The following PKP2 variants were observed in gnomAD, a reference collection of about 807,000 sequenced individuals.
PKP2 encodes the protein plakophilin-2.
Under a neutral mutation model 83.4 loss-of-function variants are expected in PKP2, and 73 were observed. The observed-to-expected ratio is 0.88, with a 90% confidence interval of 0.72 to 1.06. The LOEUF (loss-of-function observed/expected upper bound fraction) is 1.06. Ranked by LOEUF, PKP2 falls within the 50% of genes least tolerant of loss-of-function variation. PKP2 has a pLI of 0.00. For synonymous variants in PKP2, 409 were observed against 430.4 expected (o/e 0.95, Z 0.62); for missense variants, 966 against 1,065.4 (o/e 0.91, Z 1.30).
rs759353036 is a variant in PKP2 at position 32,821,521 on chromosome 12, C to T, written c.1848G>A (p.Gln616=). The change falls in exon 9 of 13, where the codon CAG becomes CAA. Residue 616 remains glutamine, a synonymous_variant. Transcript: ENST00000340811. ...TCTTTTCCTCCGGCATCGGCACGTCCTGGTATTGCTGACCACACACAAAAG... is the reference window on the plus strand; with the variant it reads ...TCTTTTCCTCCGGCATCGGCACGTCTTGGTATTGCTGACCACACACAAAAG... ...SRSRKVKEQY[Q]DVPMPEEKSN... is the part of the protein sequence containing the mutation. 3.1e-6 allele frequency: 5 copies of T among 1,614,048 alleles called. No individual in the cohort carries two copies. The highest frequency in any genetic ancestry group is 1.7e-5 in the Admixed American group (1 of 60,008).
At chr12:32,862,620 G>A (rs1368593256) in intron 4 of PKP2, among the ~76,000 whole-genome samples, 2 of 151,836 alleles carry the variant, frequency 1.3e-5, no homozygotes, top group Non-Finnish European at 2.9e-5. Flanking sequence ...ACTCCAGCCT[G>A]GGCAACAAGA....
chr12:32,859,839 C>T (rs1956783294), intron 4 of PKP2, among the ~76,000 whole-genome samples: 2 of 151,614 alleles, frequency 1.3e-5, no homozygotes, highest in African/African-American at 4.9e-5. Context: ...CCTATTTTTG[C>T]TTATCAGATT....
At chr12:32,811,240 T>G (rs2137747715) in intron 9 of PKP2, among the ~76,000 whole-genome samples, 1 of 152,354 alleles carries the variant, frequency 6.6e-6, no homozygotes, top group South Asian at 2.1e-4. Context: ...TCACCCCACT[T>G]ATGTATGCCT....
intron 10 of PKP2, among the ~76,000 whole-genome samples, chr12:32,797,494 AG>A (rs1956137799): frequency 6.6e-6 from 1 of 151,106 alleles, no homozygotes; most frequent in Non-Finnish European, 1.5e-5. Context: ...AACCCACGTA[AG>A]AAACCTGAGG....
chr12:32,841,106 C>A lies in PKP2; in HGVS notation c.1478G>T (p.Gly493Val), dbSNP rs1956587234. ...TTTTGGGTAGTCTCCTTCAGGCCAC[C>A]CAGAAAAGGGGATGATGATATTCTC... ...LTENIIIPFS[G>V]WPEGDYPKAN... Residue 493 changes from glycine (G) to valine (V), a missense_variant, in exon 6 of 13, where the codon GGG (glycine) becomes GTG (valine). By Grantham distance (109) the Gly-to-Val change is moderately radical (BLOSUM62 -3). Coordinates refer to ENST00000340811, the MANE Select transcript of PKP2 (RefSeq NM_001005242.3). 1 of 1,613,656 alleles carries A rather than the reference C, an allele frequency of 6.2e-7. No homozygotes were observed. Among genetic ancestry groups the A allele is most frequent in the Non-Finnish European group, 8.5e-7 (1 of 1,179,630 alleles).
At chr12:32,832,286 G>A (rs1956507501) in intron 6 of PKP2, among the ~76,000 whole-genome samples, 1 of 152,002 alleles carries the variant, frequency 6.6e-6, no homozygotes, top group African/African-American at 2.4e-5. Context: ...GCTGAGGCAG[G>A]AGAATTACTT....
chr12:32,861,849 A>G (rs1031064264), intron 4 of PKP2, among the ~76,000 whole-genome samples: 2 of 152,184 alleles, frequency 1.3e-5, no homozygotes, highest in Non-Finnish European at 2.9e-5. Context: ...GAGATTTCTT[A>G]TCTAAAACAA....
intron 1 of PKP2, among the ~76,000 whole-genome samples, chr12:32,891,649 C>T (rs1336628192): frequency 6.6e-6 from 1 of 152,164 alleles, no homozygotes; most frequent in Non-Finnish European, 1.5e-5. Context: ...CAGATAACAA[C>T]AGTCTTTTAA....
At chr12:32,858,462 T>C (rs1437898522) in intron 4 of PKP2, among the ~76,000 whole-genome samples, 2 of 152,100 alleles carry the variant, frequency 1.3e-5, no homozygotes, top group Admixed American at 6.6e-5. Flanking sequence ...AAATCCTTAT[T>C]CATTCTTCCT....
chr12:32,873,593 G>A (rs1048185776), intron 3 of PKP2, among the ~76,000 whole-genome samples: 6 of 151,826 alleles, frequency 4.0e-5, no homozygotes, highest in African/African-American at 1.2e-4. Context: ...GCAATGGCAC[G>A]ATACCAGCTC....
intron 11 of PKP2, 70 bp downstream of exon 11, chr12:32,796,039 A>G (rs1956117872): frequency 1.6e-6 from 2 of 1,251,760 alleles, no homozygotes; most frequent in Non-Finnish European, 1.2e-6. Flanking sequence ...CACATTCACA[A>G]CCGGATTATT....
chr12:32,890,061 C>T (rs1410525573), intron 1 of PKP2, among the ~76,000 whole-genome samples: 7 of 111,536 alleles, frequency 6.3e-5, no homozygotes, highest in South Asian at 2.8e-4. Flanking sequence ...GGGCATAGAG[C>T]GAGACTCCAT....
intron 9 of PKP2, among the ~76,000 whole-genome samples, chr12:32,805,729 T>A (rs1956220299): frequency 6.6e-6 from 1 of 152,206 alleles, no homozygotes; most frequent in Non-Finnish European, 1.5e-5. Flanking sequence ...CAGTTTGAAG[T>A]CAGGTAGCAT....
Position 32,846,640 on chromosome 12 carries a change from G to A in PKP2, c.1378+4126C>T, listed in dbSNP as rs188744189. Among the ~76,000 whole-genome samples the A allele has an allele frequency of 1.8e-3, 269 of 151,906 alleles. 3 individuals carry two copies. Among genetic ancestry groups the A allele is most frequent in the African/African-American group, 6.1e-3 (253 of 41,360 alleles). On this transcript the variant is annotated intron_variant, in intron 5 of 12. Transcript: ENST00000340811. ...CATGCCTGTAATCCCAGCTACTTGGGAGGCTAAGGCAGGAGAATCGCTTGA... is the reference window on the plus strand; with the variant it reads ...CATGCCTGTAATCCCAGCTACTTGGAAGGCTAAGGCAGGAGAATCGCTTGA...
At chr12:32,862,061 CT>C (rs1436690518) in intron 4 of PKP2, among the ~76,000 whole-genome samples, 1 of 151,990 alleles carries the variant, frequency 6.6e-6, no homozygotes, top group Non-Finnish European at 1.5e-5. Flanking sequence ...CCACACCTGG[CT>C]AATTTTGTAT....
intron 4 of PKP2, among the ~76,000 whole-genome samples, chr12:32,860,950 C>T (rs1342326015): frequency 1.3e-5 from 2 of 152,112 alleles, no homozygotes; most frequent in African/African-American, 4.8e-5. Flanking sequence ...ATCACTTGAA[C>T]TCGGGAGGTG....
intron 5 of PKP2, among the ~76,000 whole-genome samples, chr12:32,845,048 G>A (rs1956632890): frequency 6.6e-6 from 1 of 152,106 alleles, no homozygotes; most frequent in Non-Finnish European, 1.5e-5. Flanking sequence ...CTTTGTTGCA[G>A]ATGGTCTGTC....
chr12:32,792,954 A>C, intron 11 of PKP2: 1 of 545,962 alleles, frequency 1.8e-6, no homozygotes, highest in East Asian at 3.3e-5. Context: ...AGTGCTAATA[A>C]ATAAATAGTT....
intron 6 of PKP2, among the ~76,000 whole-genome samples, chr12:32,838,828 C>CAGT (rs1956564439): frequency 6.6e-6 from 1 of 152,190 alleles, no homozygotes; most frequent in Non-Finnish European, 1.5e-5. Context: ...AAATCAGTAA[C>CAGT]AGTGGTGACT....
Sources: allele counts gnomAD v4.1 joint callset (sites outside exome capture counted in the v4.1 genomes callset), GRCh38; gene constraint gnomAD v4.1.1; transcripts MANE v1.5; gene names NCBI Gene and HGNC (gene_info 2026-07-23, HGNC 2026-07-21).